The following CEP85L variants were observed in gnomAD, a reference collection of about 807,000 sequenced individuals.
CEP85L encodes the protein centrosomal protein of 85 kDa-like.
In CEP85L, 60 loss-of-function variants were observed where a neutral mutation model predicts 100.3. The observed-to-expected ratio is 0.60, with a 90% CI of 0.49 to 0.74. The LOEUF is 0.74. CEP85L is among the 30% of genes least tolerant of loss of function. CEP85L has a pLI of 0.00. For missense variants in CEP85L, 973 were observed against 936.2 expected (o/e 1.04, Z -0.51); for synonymous variants, 319 against 322.7 (o/e 0.99, Z 0.12).
chr6:118,483,976 G>A (rs1296326420), intron 6 of CEP85L, 118 bp from the exon 7 acceptor site: 6 of 826,760 alleles, frequency 7.3e-6, no homozygotes, highest in African/African-American at 1.7e-5. Flanking sequence ...TATAGCGAAG[G>A]CCACTAGCAA....
Position 118,462,110 on chromosome 6 carries a change from A to C in CEP85L, c.*3295T>G, listed in dbSNP as rs1227691073. The C allele has an allele frequency of 6.6e-6, 1 of 152,062 alleles. No individual in the cohort carries two copies. 9.4% of individuals were successfully genotyped at this position (152,062 alleles called of 1,614,324 possible). A position where few individuals can be genotyped will look rare whatever the true frequency, so the allele number is the denominator to read the frequency against. ...ATCAGAAATGTATGACATTCATTTTAGCAACACTTTCCAGCCCTTGAGATT... is the reference window on the plus strand; with the variant it reads ...ATCAGAAATGTATGACATTCATTTTCGCAACACTTTCCAGCCCTTGAGATT... On this transcript the variant is annotated 3_prime_UTR_variant, in exon 13 of 13. Transcript: ENST00000368491.
intron 2 of CEP85L, among the ~76,000 whole-genome samples, chr6:118,617,496 G>C (rs1286696133): frequency 6.6e-6 from 1 of 152,122 alleles, no homozygotes; most frequent in Non-Finnish European, 1.5e-5. Context: ...CGCAATTTCA[G>C]TTTTTCTCAA....
intron 2 of CEP85L, among the ~76,000 whole-genome samples, chr6:118,585,503 G>A (rs140905899): frequency 6.6e-6 from 1 of 152,126 alleles, no homozygotes; most frequent in Non-Finnish European, 1.5e-5. Flanking sequence ...CTCTAATCTG[G>A]GAAGGCTCCA....
At position 118,566,163 on chromosome 6, in the gene CEP85L, A is replaced by C; in HGVS notation, c.386T>G (p.Leu129Arg). 1.2e-6 allele frequency: 2 copies of C among 1,614,160 alleles called. No homozygotes were observed. Among genetic ancestry groups the C allele is most frequent in the Non-Finnish European group, 1.7e-6 (2 of 1,180,014 alleles). ...TPDGSKWSTS[L>R]MQTLGNHSRG... The stretch of plus-strand genomic sequence containing the variant: ...ACTGTGGTTTCCCAATGTTTGCATG[A>C]GGCTTGTACTCCATTTTGAGCCATC... The change falls in exon 3 of 13, where the codon CTC (leucine) becomes CGC (arginine). Residue 129 changes from leucine (L) to arginine (R), a missense_variant. Coordinates refer to ENST00000368491, the MANE Select transcript of CEP85L (RefSeq NM_001042475.3).
At chr6:118,489,662 G>A (rs1461176030) in intron 6 of CEP85L, among the ~76,000 whole-genome samples, 1 of 152,166 alleles carries the variant, frequency 6.6e-6, no homozygotes, top group African/African-American at 2.4e-5. Context: ...TGGCAAGGAT[G>A]TGGAGAAAGG....
chr6:118,667,689 G>T (rs1776174322), intron 1 of CEP85L, among the ~76,000 whole-genome samples: 1 of 152,112 alleles, frequency 6.6e-6, no homozygotes. Flanking sequence ...AGGGACTAAG[G>T]CCTAGAGAGA....
Position 118,513,312 on chromosome 6 carries a change from A to G in CEP85L, c.1140-1897T>C, listed in dbSNP as rs544741476. ...AAATATTTGTGTATAACAGGCCAAA[A>G]TTTTACCAAATCTGATGAGAACTAT... On this transcript the variant is annotated intron_variant, in intron 4 of 12. Transcript: ENST00000368491. Among the ~76,000 whole-genome samples the G allele has an allele frequency of 3.9e-5, 6 of 152,214 alleles. No individual in the cohort carries two copies. The East Asian group carries it at 9.6e-4, about 24-fold the overall frequency.
chr6:118,696,197 G>A (rs1266104562), intron 1 of CEP85L, among the ~76,000 whole-genome samples: 2 of 151,994 alleles, frequency 1.3e-5, no homozygotes, highest in Non-Finnish European at 2.9e-5. Flanking sequence ...CTTAAACCCA[G>A]GAGGTTGCAG....
intron 4 of CEP85L, among the ~76,000 whole-genome samples, chr6:118,520,088 T>A (rs1478684764): frequency 6.6e-6 from 1 of 152,124 alleles, no homozygotes; most frequent in Non-Finnish European, 1.5e-5. Flanking sequence ...ACAGCTAACA[T>A]CACACTTAAT....
intron 1 of CEP85L, among the ~76,000 whole-genome samples, chr6:118,707,096 G>C (rs765082182): frequency 6.6e-6 from 1 of 152,050 alleles, no homozygotes; most frequent in Admixed American, 6.6e-5. Flanking sequence ...CTCTGCCATG[G>C]ATGCCATTCC....
intron 3 of CEP85L, chr6:118,537,831 A>G: frequency 1.0e-6 from 1 of 985,298 alleles, no homozygotes; most frequent in Non-Finnish European, 1.2e-6. Flanking sequence ...TTTGTCTCTG[A>G]GCTTATTCAT....
At chr6:118,493,037 A>G (rs1428081998) in intron 5 of CEP85L, among the ~76,000 whole-genome samples, 4 of 152,158 alleles carry the variant, frequency 2.6e-5, no homozygotes, top group Non-Finnish European at 5.9e-5. Context: ...AATATAGAAC[A>G]GAATGAATAT....
intron 1 of CEP85L, among the ~76,000 whole-genome samples, chr6:118,704,417 G>A (rs1246340169): frequency 1.3e-5 from 2 of 152,128 alleles, no homozygotes; most frequent in Non-Finnish European, 2.9e-5. Flanking sequence ...CTTGCCTCAG[G>A]TGCACCCTGG....
intron 3 of CEP85L, among the ~76,000 whole-genome samples, chr6:118,554,437 A>G (rs749178834): frequency 6.6e-6 from 1 of 152,164 alleles, no homozygotes; most frequent in Non-Finnish European, 1.5e-5. Flanking sequence ...GTGAGCCACC[A>G]TGCCCTGCCC....
chr6:118,631,385 A>G (rs928367129), intron 2 of CEP85L, among the ~76,000 whole-genome samples: 1 of 152,238 alleles, frequency 6.6e-6, no homozygotes, highest in Admixed American at 6.5e-5. Context: ...TGGAAATGGT[A>G]CAGTCACTCT....
At chr6:118,562,045 G>T (rs2114982680) in intron 3 of CEP85L, among the ~76,000 whole-genome samples, 1 of 152,142 alleles carries the variant, frequency 6.6e-6, no homozygotes, top group South Asian at 2.1e-4. Context: ...CTTGACAGAT[G>T]AAAAAAGTGA....
intron 1 of CEP85L, among the ~76,000 whole-genome samples, chr6:118,662,219 T>A (rs531533271): frequency 1.4e-4 from 21 of 152,242 alleles, no homozygotes; most frequent in Non-Finnish European, 2.8e-4. Context: ...TTCATCTTCA[T>A]AACAACATGA....
intron 3 of CEP85L, among the ~76,000 whole-genome samples, chr6:118,555,671 A>G (rs571697800): frequency 6.6e-5 from 10 of 152,132 alleles, no homozygotes; most frequent in Non-Finnish European, 1.3e-4. Context: ...TTTTGTTTTA[A>G]GTTTGGGGGT....
rs775042237 is a variant in CEP85L, at chr6:118,565,764, C to T, written c.785G>A (p.Ser262Asn). ...VDMTYSALPE[S>N]KPIMTSSEAF... The stretch of plus-strand genomic sequence containing the variant: ...CTCTGAGCTTGTCATAATGGGCTTG[C>T]TTTCAGGTAAGGCACTATATGTCAT... Residue 262 changes from serine to asparagine, a missense_variant, in exon 3 of 13, where the codon AGC becomes AAC. By Grantham distance (46) the Ser-to-Asn change is conservative (BLOSUM62 1). Around this residue, in one of 3 missense-constraint regions of CEP85L, gnomAD observed 890 missense variants for 844.5 expected, o/e 1.05. Coordinates refer to ENST00000368491, the MANE Select transcript of CEP85L (RefSeq NM_001042475.3). 8 of 1,614,184 alleles carry T rather than the reference C, an allele frequency of 5.0e-6. No homozygotes were observed. The South Asian group carries it at 6.6e-5, about 13-fold the overall frequency.
Sources: gnomAD v4.1 joint callset for allele counts (sites outside exome capture counted in the v4.1 genomes callset) on GRCh38, gnomAD v4.1.1 for gene constraint, gnomAD v4.1.1 regional missense constraint, MANE v1.5 for transcripts, NCBI Gene and HGNC (gene_info 2026-07-23, HGNC 2026-07-21) for gene names.